MYH11: variants seen among roughly 807,000 people sequenced by gnomAD.
MYH11 encodes the protein myosin heavy chain 11, also known as myosin-11.
MYH11 carries 80 observed loss-of-function variants against 246.6 expected under a neutral mutation model. The observed-to-expected ratio is 0.32, with a 90% CI of 0.27 to 0.39. The LOEUF (loss-of-function observed/expected upper bound fraction) is 0.39, where lower values mean the gene tolerates loss of function less well. Ranked by LOEUF, MYH11 falls within the 10% of genes least tolerant of loss-of-function variation. The pLI is 1.00. For synonymous variants in MYH11, 1,071 were observed against 1,015.5 expected (o/e 1.05, Z -1.04); for missense variants, 2,158 against 2,546.8 (o/e 0.85, Z 3.29).
intron 3 of MYH11, among the ~76,000 whole-genome samples, chr16:15,814,425 T>C (rs1201368969): frequency 6.6e-6 from 1 of 150,710 alleles, no homozygotes; most frequent in Non-Finnish European, 1.5e-5. Context: ...TGGTGGCGGA[T>C]GCCTGTAATC....
Position 15,704,119 on chromosome 16 carries a change from C to T in MYH11, c.5791G>A (p.Gly1931Arg). ...VNALKSKLRR[G>R]NETSFVPSRR... The stretch of plus-strand genomic sequence containing the variant: ...GAAGGAACGAAAGAGGTCTCGTTTC[C>T]TCGCCTGTGGGTTGTAAGAAAACAC... The change falls in exon 41 of 41, where the codon GGA (glycine) becomes AGA (arginine). Residue 1931 changes from glycine (G) to arginine (R), a missense_variant. This residue lies in a region of MYH11 where 1,013 missense variants were observed against 993.5 expected (regional missense o/e 1.02). Transcript: ENST00000300036. The T allele has an allele frequency of 6.2e-7, 1 of 1,614,032 alleles. No homozygotes were observed. Among genetic ancestry groups the T allele is most frequent in the Non-Finnish European group, 8.5e-7 (1 of 1,179,984 alleles).
intron 20 of MYH11, chr16:15,742,329 C>A (rs2041297721): frequency 3.9e-6 from 1 of 258,990 alleles, no homozygotes; most frequent in Non-Finnish European, 7.5e-6. Flanking sequence ...TCCCACCCAC[C>A]TCCCTATCAA....
At position 15,719,632 on chromosome 16, in the gene MYH11, C is replaced by T. The variant is rs1177693130; in HGVS notation, c.5035G>A (p.Glu1679Lys). The T allele has an allele frequency of 6.2e-7, 1 of 1,614,192 alleles. No individual in the cohort carries two copies. The highest frequency in any genetic ancestry group is 8.5e-7 in the Non-Finnish European group (1 of 1,180,030). The stretch of plus-strand genomic sequence containing the variant: ...GCTTCCAAGCTCTTGGCTTTCTTCT[C>T]ATTCTCTTTGGCTGTGGCAAAGATC... ...DEIFATAKEN[E>K]KKAKSLEADL... The change falls in exon 35 of 41, where the codon GAG (glutamate) becomes AAG (lysine). Residue 1679 changes from glutamate (E) to lysine (K), a missense_variant. By Grantham distance (56) the Glu-to-Lys change is moderately conservative. Around this residue, in one of 11 missense-constraint regions of MYH11, gnomAD observed 1,013 missense variants for 993.5 expected, o/e 1.02. Transcript: ENST00000300036.
chr16:15,724,834 GC>G (rs1567700861), intron 29 of MYH11, 35 bp from the exon 30 acceptor site: 1 of 1,613,580 alleles, frequency 6.2e-7, no homozygotes, highest in East Asian at 2.2e-5. Flanking sequence ...CCAGGGACCT[GC>G]CCCGAGGAAG....
At chr16:15,765,861 G>A (rs1418916269) in intron 9 of MYH11, among the ~76,000 whole-genome samples, 1 of 152,198 alleles carries the variant, frequency 6.6e-6, no homozygotes, top group Non-Finnish European at 1.5e-5. Context: ...ATGAAGAGTT[G>A]CACTCACAGT....
At chr16:15,725,628 T>A in intron 28 of MYH11, 1 of 401,396 alleles carries the variant, frequency 2.5e-6, no homozygotes, top group Non-Finnish European at 4.4e-6. Context: ...TTGACACTGC[T>A]TATATGAGGG....
rs1252876768 is a variant in MYH11 at position 15,737,502 on chromosome 16, C to T, written c.3240G>A (p.Glu1080=). 1 of 1,613,836 alleles carries T rather than the reference C, an allele frequency of 6.2e-7. No homozygotes were observed. The highest frequency in any genetic ancestry group is 1.3e-5 in the African/African-American group (1 of 74,928). Residue 1080 remains glutamate, a synonymous_variant, in exon 25 of 41, where the codon GAG becomes GAA. Transcript: ENST00000300036. ...CCTTCTTGGCCAGCTGCATCTTGAGCTCTGCGATCTGCGCCTGGAGGTCAG... is the reference window on the plus strand; with the variant it reads ...CCTTCTTGGCCAGCTGCATCTTGAGTTCTGCGATCTGCGCCTGGAGGTCAG... ...QIADLQAQIA[E]LKMQLAKKEE...
chr16:15,717,017 G>T, intron 38 of MYH11, 123 bp downstream of exon 38: 1 of 1,021,370 alleles, frequency 9.8e-7, no homozygotes, highest in Non-Finnish European at 1.6e-6. Context: ...TGCACTGTAG[G>T]CATCACAGAG....
intron 3 of MYH11, among the ~76,000 whole-genome samples, chr16:15,819,048 A>AT (rs2043336245): frequency 6.6e-6 from 1 of 151,502 alleles, no homozygotes. Flanking sequence ...CCAGCTAATT[A>AT]TTTTTTTGTA....
intron 30 of MYH11, 44 bp from the exon 31 acceptor site, chr16:15,724,453 G>C (rs11130): frequency 1.2e-6 from 2 of 1,611,192 alleles, no homozygotes; most frequent in South Asian, 2.2e-5. Context: ...GGGACCATGA[G>C]TGGCCCCTGT....
chr16:15,798,273 A>G (rs1355750092), intron 4 of MYH11, among the ~76,000 whole-genome samples: 3 of 152,242 alleles, frequency 2.0e-5, no homozygotes, highest in African/African-American at 7.2e-5. Flanking sequence ...GTGAAATACT[A>G]AAGTGACAGT....
chr16:15,763,779 GA>G lies in MYH11; in HGVS notation c.1129+16del. ...CAACCCCAAAGTCATTGGTCATCAGGAAAAAGTGGCAAGTACCTGTGTTATC... is the reference window on the plus strand; with the variant it reads ...CAACCCCAAAGTCATTGGTCATCAGGAAAAGTGGCAAGTACCTGTGTTATC... On this transcript the variant is annotated intron_variant, in intron 10 of 40. Coordinates refer to ENST00000300036, the MANE Select transcript of MYH11 (RefSeq NM_002474.3). 2 of 1,122,822 alleles carry G rather than the reference GA, an allele frequency of 1.8e-6. No homozygotes were observed. Among genetic ancestry groups the G allele is most frequent in the East Asian group, 3.2e-5 (1 of 31,044 alleles). The allele number at this position is 1,122,822 out of a possible 1,614,324, so 69.6% of individuals were successfully genotyped here.
chr16:15,782,737 C>T, intron 5 of MYH11: 1 of 475,978 alleles, frequency 2.1e-6, no homozygotes, highest in Non-Finnish European at 3.9e-6. Flanking sequence ...CTCATCTGTG[C>T]AACATCACTG....
chr16:15,745,066 G>A (rs1182615383), intron 20 of MYH11, 63 bp downstream of exon 20: 2 of 1,258,840 alleles, frequency 1.6e-6, no homozygotes, highest in East Asian at 4.6e-5. Flanking sequence ...CAAATGTGAA[G>A]GCTCCAGAGT....
chr16:15,739,106 T>C (rs1343305447), intron 23 of MYH11, among the ~76,000 whole-genome samples: 1 of 147,920 alleles, frequency 6.8e-6, no homozygotes, highest in African/African-American at 2.5e-5. Flanking sequence ...GCTGTATTCT[T>C]TTTTTTTTTT....
intron 3 of MYH11, among the ~76,000 whole-genome samples, chr16:15,817,727 G>C (rs1247944462): frequency 1.3e-5 from 2 of 152,050 alleles, no homozygotes; most frequent in Non-Finnish European, 2.9e-5. Context: ...CTGGCTCTGA[G>C]CTCCCTGCCA....
chr16:15,734,043 T>G (rs1295734961), intron 26 of MYH11, among the ~76,000 whole-genome samples: 1 of 152,240 alleles, frequency 6.6e-6, no homozygotes, highest in Non-Finnish European at 1.5e-5. Flanking sequence ...ATTTATGTGT[T>G]TACTGAATGA....
chr16:15,778,420 A>G (rs996222613), intron 7 of MYH11, among the ~76,000 whole-genome samples: 1 of 152,188 alleles, frequency 6.6e-6, no homozygotes, highest in African/African-American at 2.4e-5. Context: ...CTAGAGCTTT[A>G]TATGAGTTCA....
rs62031666 is a variant in MYH11 at position 15,823,703 on chromosome 16, A to C, written c.346-292T>G. Among the ~76,000 whole-genome samples the C allele has an allele frequency of 0.1, 15,767 of 152,010 alleles. 867 individuals are homozygous for C. Among genetic ancestry groups the C allele is most frequent in the Middle Eastern group, 0.12 (35 of 294 alleles). On this transcript the variant is annotated intron_variant, in intron 2 of 40. Coordinates refer to ENST00000300036, the MANE Select transcript of MYH11 (RefSeq NM_002474.3). The stretch of plus-strand genomic sequence containing the variant: ...GCGGTGGTGTGAACGTGACTCACTG[A>C]AACCTTGACCTTTCTGGACTCAGGT...
Sources: allele counts gnomAD v4.1 joint callset (sites outside exome capture counted in the v4.1 genomes callset), GRCh38; gene constraint gnomAD v4.1.1; regional missense constraint gnomAD v4.1.1; transcripts MANE v1.5; gene names NCBI Gene and HGNC (gene_info 2026-07-23, HGNC 2026-07-21).